The following VTCN1 variants were observed in gnomAD, a reference collection of about 807,000 sequenced individuals.
VTCN1 encodes the protein V-set domain-containing T-cell activation inhibitor 1.
A neutral mutation model predicts 26.5 loss-of-function variants in VTCN1; 26 were observed. The ratio of observed to expected loss-of-function variants is 0.98; its 90% confidence interval spans 0.72 to 1.36. VTCN1 has a LOEUF of 1.36. Ranked by LOEUF, VTCN1 falls within the 40% of genes most tolerant of loss-of-function variation. The probability of loss-of-function intolerance (pLI) is 0.00; values close to 1 mark genes in which losing one functional copy is unlikely to be tolerated. For synonymous variants in VTCN1, 116 were observed against 130.7 expected (o/e 0.89, Z 0.77); for missense variants, 298 against 337.7 (o/e 0.88, Z 0.92).
At chr1:117,188,217 G>A (rs1302030638) in intron 1 of VTCN1, among the ~76,000 whole-genome samples, 1 of 152,196 alleles carries the variant, frequency 6.6e-6, no homozygotes, top group South Asian at 2.1e-4. Flanking sequence ...ACAGATCAGA[G>A]AGCGAGAGAG....
intron 1 of VTCN1, among the ~76,000 whole-genome samples, chr1:117,209,325 C>G (rs1327348520): frequency 6.6e-6 from 1 of 152,140 alleles, no homozygotes; most frequent in Non-Finnish European, 1.5e-5. Context: ...AACAATGGAG[C>G]CACTTGTTGC....
chr1:117,173,114 C>G, intron 1 of VTCN1: 3 of 711,344 alleles, frequency 4.2e-6, no homozygotes, highest in Non-Finnish European at 7.8e-6. Flanking sequence ...GAGACCAGAA[C>G]CCACAGGGAG....
intron 1 of VTCN1, among the ~76,000 whole-genome samples, chr1:117,187,173 T>A (rs565319833): frequency 1.3e-5 from 2 of 151,090 alleles, no homozygotes; most frequent in Non-Finnish European, 2.9e-5. Context: ...TAGTTAGGTG[T>A]GGTGGTGCGC....
intron 3 of VTCN1, among the ~76,000 whole-genome samples, chr1:117,154,044 T>G (rs559574283): frequency 6.6e-6 from 1 of 152,336 alleles, no homozygotes; most frequent in Non-Finnish European, 1.5e-5. Context: ...AAGCCTGGAC[T>G]TTTTATTGGG....
At position 117,162,443 on chromosome 1, in the gene VTCN1, C is replaced by CT. The variant is rs947611076; in HGVS notation, c.98-5523dup. Among the ~76,000 whole-genome samples, 304 of 149,702 alleles carry CT rather than the reference C, an allele frequency of 2.0e-3. 1 individual carries two copies. In the Middle Eastern group the frequency reaches 0.041, roughly 20 times the overall value. ...CCAGGCCTACTGACCACCAGAGATT[C>CT]TTTTTTTTTTATTTTTTGGAGACAG... On this transcript the variant is annotated intron_variant, in intron 2 of 5. Transcript: ENST00000369458.
intron 2 of VTCN1, among the ~76,000 whole-genome samples, chr1:117,157,373 T>C (rs1472236962): frequency 1.3e-5 from 2 of 152,132 alleles, no homozygotes; most frequent in African/African-American, 4.8e-5. Flanking sequence ...GAGGTTTAAT[T>C]GGACTTACAG....
chr1:117,187,538 A>G (rs1648009800), intron 1 of VTCN1, among the ~76,000 whole-genome samples: 1 of 152,116 alleles, frequency 6.6e-6, no homozygotes, highest in South Asian at 2.1e-4. Flanking sequence ...ATAATTTTTC[A>G]GGGAAACTAC....
chr1:117,153,104 A>G lies in VTCN1; in HGVS notation c.711T>C (p.Asp237=), dbSNP rs201968258. ...GCAGGAACCCACCTGTCACTTTGATATCCCCTGTTGCTTTGGCAATGTCAT... is the reference window on the plus strand; with the variant it reads ...GCAGGAACCCACCTGTCACTTTGATGTCCCCTGTTGCTTTGGCAATGTCAT... The part of the protein sequence containing the change: ...IENDIAKATG[D]IKVTESEIKR... Residue 237 remains aspartate, a synonymous_variant, in exon 4 of 6, where the codon GAT becomes GAC. Coordinates refer to ENST00000369458, the MANE Select transcript of VTCN1 (RefSeq NM_024626.4). 1.1e-5 allele frequency: 17 copies of G among 1,606,776 alleles called. No individual in the cohort carries two copies. Among genetic ancestry groups the G allele is most frequent in the Non-Finnish European group, 1.3e-5 (15 of 1,174,746 alleles).
chr1:117,204,550 C>CT (rs1648946128), intron 1 of VTCN1, among the ~76,000 whole-genome samples: 1 of 152,102 alleles, frequency 6.6e-6, no homozygotes, highest in Non-Finnish European at 1.5e-5. Context: ...GCTAGGGTCC[C>CT]TGGGCAATAT....
chr1:117,189,116 T>C (rs1165645544), intron 1 of VTCN1, among the ~76,000 whole-genome samples: 1 of 152,136 alleles, frequency 6.6e-6, no homozygotes, highest in Non-Finnish European at 1.5e-5. Flanking sequence ...ATAGCAAAAC[T>C]TCCTCTTAAA....
At position 117,169,159 on chromosome 1, in the gene VTCN1, AGAAAACT is replaced by A. The variant is rs1266100767; in HGVS notation, c.97+941_97+947del. On this transcript the variant is annotated intron_variant, in intron 2 of 5. Coordinates refer to ENST00000369458, the MANE Select transcript of VTCN1 (RefSeq NM_024626.4). This position sits in a 1 kb window ranked among gnomAD's most constrained non-coding sequence, Gnocchi z 4.0. Reference sequence around the variant, plus strand: ...AAGAGCAGACAATTTGCCTCAGAGAAGAAAACTGCCAGCCTTAACTCATTCAGTGTCA... The same window carrying A: ...AAGAGCAGACAATTTGCCTCAGAGAAGCCAGCCTTAACTCATTCAGTGTCA... Among the ~76,000 whole-genome samples the A allele has an allele frequency of 6.6e-6, 1 of 152,230 alleles. No homozygotes were observed. Among genetic ancestry groups the A allele is most frequent in the Non-Finnish European group, 1.5e-5 (1 of 68,050 alleles).
intron 1 of VTCN1, chr1:117,173,267 A>T: frequency 1.4e-6 from 1 of 693,434 alleles, no homozygotes; most frequent in South Asian, 1.6e-5. Flanking sequence ...ACAATTGCAG[A>T]TGTAGTTAGT....
chr1:117,152,205 TG>T (rs1364071389), intron 4 of VTCN1, among the ~76,000 whole-genome samples: 1 of 152,164 alleles, frequency 6.6e-6, no homozygotes, highest in Non-Finnish European at 1.5e-5. Flanking sequence ...ATATCTGAGT[TG>T]TAGATAATTT....
At chr1:117,201,690 AG>A (rs1244181838) in intron 1 of VTCN1, among the ~76,000 whole-genome samples, 1 of 152,188 alleles carries the variant, frequency 6.6e-6, no homozygotes, top group Non-Finnish European at 1.5e-5. Context: ...GGATGGGGTG[AG>A]GGGGAGCTTA....
rs1449564687 is a variant in VTCN1 at position 117,155,866 on chromosome 1, C to G, written c.445+708G>C. On this transcript the variant is annotated intron_variant, in intron 3 of 5. Transcript: ENST00000369458. This position sits in a 1 kb window ranked among gnomAD's most constrained non-coding sequence, Gnocchi z 4.8. ...TTGAACGGGATCTCTCTCTTCTTCT[C>G]AATCACTCCATTTATATTTCTCTTA... Among the ~76,000 whole-genome samples, 7 of 152,190 alleles carry G rather than the reference C, an allele frequency of 4.6e-5. No individual in the cohort carries two copies. The highest frequency in any genetic ancestry group is 1.0e-4 in the Non-Finnish European group (7 of 68,040).
intron 2 of VTCN1, among the ~76,000 whole-genome samples, chr1:117,166,247 A>G (rs2066398): frequency 0.023 from 3,505 of 152,278 alleles, 86 homozygotes; most frequent in East Asian, 0.081. Context: ...TGACTAACAC[A>G]GGGAAGTTAT....
intron 1 of VTCN1, chr1:117,173,081 G>T (rs114292339): frequency 1.4e-6 from 1 of 700,370 alleles, no homozygotes; most frequent in Non-Finnish European, 2.7e-6. Context: ...GTGAAGGACC[G>T]CAGCTTCATT....
chr1:117,209,435 A>T lies in VTCN1; in HGVS notation c.32+1389T>A, dbSNP rs1649253239. ...AGGGGCAAGGGTGGCAGGGGGAGAG[A>T]GCTTGGGATTTCAGAGCAAGATCCC... On this transcript the variant is annotated intron_variant, in intron 1 of 5. Coordinates refer to ENST00000369458, the MANE Select transcript of VTCN1 (RefSeq NM_024626.4). Among the ~76,000 whole-genome samples the T allele has an allele frequency of 2.0e-5, 3 of 152,140 alleles. No homozygotes were observed. In the South Asian group the frequency reaches 6.2e-4, roughly 32 times the overall value.
At chr1:117,208,479 TC>T (rs1414204756) in intron 1 of VTCN1, among the ~76,000 whole-genome samples, 1 of 152,168 alleles carries the variant, frequency 6.6e-6, no homozygotes, top group East Asian at 1.9e-4. Context: ...GGAGTCTTTC[TC>T]CTCCATTAGG....
Sources: gnomAD v4.1 joint callset for allele counts (sites outside exome capture counted in the v4.1 genomes callset) on GRCh38, gnomAD v4.1.1 for gene constraint, Gnocchi (gnomAD v3.1) non-coding constraint, MANE v1.5 for transcripts, NCBI Gene and HGNC (gene_info 2026-07-23, HGNC 2026-07-21) for gene names.